Variants in RYR2 observed in about 807,000 individuals in gnomAD.
The protein encoded by RYR2 is cardiac muscle ryanodine receptor-calcium release channel.
A neutral mutation model predicts 601.1 loss-of-function variants in RYR2; 227 were observed. That is an observed-to-expected ratio of 0.38 (90% CI 0.34 to 0.42). The LOEUF is 0.42. Ranked by LOEUF, RYR2 falls within the 10% of genes least tolerant of loss-of-function variation. The pLI, the probability that RYR2 is intolerant of heterozygous loss-of-function variation, is 1.00. For synonymous variants in RYR2, 2,223 were observed against 2,175.1 expected, an observed-to-expected ratio of 1.02 and a Z score of -0.61; for missense variants, 4,646 against 6,156.5, an observed-to-expected ratio of 0.75 and a Z score of 8.21.
chr1:237,772,249 A>G, intron 86 of RYR2, 149 bp downstream of exon 86: 1 of 514,502 alleles, frequency 1.9e-6, no homozygotes, highest in Non-Finnish European at 3.4e-6. Flanking sequence ...TTCTTAGAGC[A>G]AAACAGCCAC....
At chr1:237,781,675 CT>C in intron 89 of RYR2, 29 bp downstream of exon 89, 1 of 1,166,426 alleles carries the variant, frequency 8.6e-7, no homozygotes, top group Non-Finnish European at 1.3e-6. Flanking sequence ...TTTAAATTCT[CT>C]TTATTATCTT....
Position 237,204,828 on chromosome 1 carries a change from A to T in RYR2, c.49-65669A>T, listed in dbSNP as rs546205798. ...ACTGAGCCCCTGGCATATGCTGGGC[A>T]TTGGTGAGCTGTAGGGATGTGGTGA... On this transcript the variant is annotated intron_variant, in intron 1 of 104. Coordinates refer to ENST00000366574, the MANE Select transcript of RYR2 (RefSeq NM_001035.3). 9.2e-5 allele frequency among the ~76,000 whole-genome samples: 14 copies of T among 152,340 alleles called. No individual in the cohort carries two copies. In the East Asian group the frequency reaches 2.7e-3, roughly 29 times the overall value.
intron 24 of RYR2, among the ~76,000 whole-genome samples, chr1:237,515,046 C>T (rs2147795284): frequency 6.6e-6 from 1 of 152,166 alleles, no homozygotes; most frequent in South Asian, 2.1e-4. Context: ...ATTTTGGGTG[C>T]TGTTTCTGTG....
At chr1:237,124,002 C>T (rs576855607) in intron 1 of RYR2, among the ~76,000 whole-genome samples, 123 of 152,248 alleles carry the variant, frequency 8.1e-4, no homozygotes, top group Non-Finnish European at 1.5e-3. Context: ...CTCTTTTCTT[C>T]CAAGGAGAAA....
intron 1 of RYR2, among the ~76,000 whole-genome samples, chr1:237,103,179 T>C (rs893780546): frequency 7.2e-5 from 11 of 152,196 alleles, no homozygotes; most frequent in African/African-American, 2.7e-4. Context: ...GATGTGTCCA[T>C]TGGAAATTGG....
chr1:237,476,247 T>G (rs1661382778), intron 17 of RYR2, among the ~76,000 whole-genome samples: 1 of 152,110 alleles, frequency 6.6e-6, no homozygotes, highest in Non-Finnish European at 1.5e-5. Flanking sequence ...TGGTGGCTCA[T>G]GCCTGTAATC....
intron 1 of RYR2, among the ~76,000 whole-genome samples, chr1:237,094,751 C>A (rs1425573608): frequency 6.6e-6 from 1 of 152,062 alleles, no homozygotes; most frequent in Non-Finnish European, 1.5e-5. Flanking sequence ...ACCACCATGC[C>A]CAGCCAATTT....
At chr1:237,518,829 T>A (rs1401045501) in intron 24 of RYR2, among the ~76,000 whole-genome samples, 1 of 152,138 alleles carries the variant, frequency 6.6e-6, no homozygotes, top group Non-Finnish European at 1.5e-5. Context: ...CCTTGACAAG[T>A]TTCTATACTA....
At chr1:237,315,065 G>A (rs527819133) in intron 2 of RYR2, among the ~76,000 whole-genome samples, 13 of 152,194 alleles carry the variant, frequency 8.5e-5, no homozygotes, top group East Asian at 5.8e-4. Flanking sequence ...TTTCACCAAA[G>A]AATTTGACTC....
intron 34 of RYR2, among the ~76,000 whole-genome samples, chr1:237,598,659 GGC>G (rs1396428406): frequency 2.7e-4 from 41 of 152,166 alleles, no homozygotes; most frequent in Admixed American, 7.9e-4. Context: ...ATACAGCAGA[GGC>G]AGTTCTAAGA....
intron 1 of RYR2, among the ~76,000 whole-genome samples, chr1:237,144,186 A>G (rs1267594488): frequency 2.6e-5 from 4 of 152,170 alleles, no homozygotes; most frequent in African/African-American, 9.7e-5. Flanking sequence ...GCCATCTACT[A>G]AAAGAGTGCC....
chr1:237,371,415 C>A (rs936437772), intron 6 of RYR2, among the ~76,000 whole-genome samples: 2 of 152,090 alleles, frequency 1.3e-5, no homozygotes, highest in Admixed American at 6.5e-5. Flanking sequence ...CCTTGGCCTC[C>A]CAAAGTCCTG....
chr1:237,049,139 A>T (rs1660945774), intron 1 of RYR2, among the ~76,000 whole-genome samples: 1 of 152,310 alleles, frequency 6.6e-6, no homozygotes, highest in African/African-American at 2.4e-5. Context: ...GAAGGCAATT[A>T]GAGAGAGGGA....
chr1:237,614,169 G>A lies in RYR2; in HGVS notation c.5041G>A (p.Asp1681Asn). Residue 1681 changes from aspartate (D) to asparagine (N), a missense_variant, in exon 37 of 105, where the codon GAT (aspartate) becomes AAT (asparagine). Around this residue, in one of 17 missense-constraint regions of RYR2, gnomAD observed 1,807 missense variants for 2,088.1 expected, o/e 0.87. Transcript: ENST00000366574. The surrounding 1 kb of genome is among the most constrained non-coding windows in gnomAD (Gnocchi z 4.3). The part of the protein sequence containing the change: ...RVAHALCSHV[D>N]EPQLLYAIEN... The stretch of plus-strand genomic sequence containing the variant: ...GGCCCATGCCCTGTGCAGCCATGTG[G>A]ATGAACCTCAGCTCCTCTATGCCAT... The A allele has an allele frequency of 6.2e-7, 1 of 1,614,038 alleles. No homozygotes were observed. The highest frequency in any genetic ancestry group is 8.5e-7 in the Non-Finnish European group (1 of 1,179,894).
At chr1:237,186,891 G>T (rs886223143) in intron 1 of RYR2, among the ~76,000 whole-genome samples, 33 of 152,202 alleles carry the variant, frequency 2.2e-4, no homozygotes, top group Admixed American at 2.0e-3. Flanking sequence ...GCTGCAGCCC[G>T]CATTGAGCAG....
At position 237,203,713 on chromosome 1, in the gene RYR2, A is replaced by C. The variant is rs114379066; in HGVS notation, c.49-66784A>C. Among the ~76,000 whole-genome samples the C allele has an allele frequency of 5.7e-3, 862 of 152,296 alleles. 9 individuals carry two copies. The highest frequency in any genetic ancestry group is 0.027 in the Middle Eastern group (8 of 292). The stretch of plus-strand genomic sequence containing the variant: ...TAAAAATTTTTTTTTTATTGAGGGA[A>C]AATTTACACAAAGGAAAATATACAT... On this transcript the variant is annotated intron_variant, in intron 1 of 104. Transcript: ENST00000366574.
At chr1:237,771,246 C>T (rs768654112) in intron 85 of RYR2, among the ~76,000 whole-genome samples, 5 of 151,756 alleles carry the variant, frequency 3.3e-5, no homozygotes, top group Non-Finnish European at 7.4e-5. Context: ...CCCATCTCTA[C>T]AAAAAATTTA....
chr1:237,488,185 T>C (rs932875939), intron 17 of RYR2, among the ~76,000 whole-genome samples: 2 of 152,204 alleles, frequency 1.3e-5, no homozygotes, highest in Non-Finnish European at 2.9e-5. Flanking sequence ...TTTTTCTTAA[T>C]GGTTATATTG....
At chr1:237,516,971 C>T (rs116729802) in intron 24 of RYR2, among the ~76,000 whole-genome samples, 6 of 152,282 alleles carry the variant, frequency 3.9e-5, no homozygotes, top group African/African-American at 1.4e-4. Flanking sequence ...CATACACACA[C>T]GTGCATTCAT....
Sources: allele counts gnomAD v4.1 joint callset (sites outside exome capture counted in the v4.1 genomes callset), GRCh38; gene constraint gnomAD v4.1.1; regional missense constraint gnomAD v4.1.1; non-coding constraint Gnocchi (gnomAD v3.1); transcripts MANE v1.5; gene names NCBI Gene and HGNC (gene_info 2026-07-23, HGNC 2026-07-21).